BMP6: variants seen among roughly 807,000 people sequenced by gnomAD.
The protein encoded by BMP6 is bone morphogenetic protein 6.
A neutral mutation model predicts 54.1 loss-of-function variants in BMP6; 17 were observed. The ratio of observed to expected loss-of-function variants is 0.31; its 90% CI spans 0.22 to 0.47. BMP6 has a LOEUF of 0.47. BMP6 is among the 20% of genes least tolerant of loss of function. BMP6 has a pLI of 1.00. For synonymous variants in BMP6, 328 were observed against 291.2 expected, an observed-to-expected ratio of 1.13 and a Z score of -1.28; for missense variants, 720 against 690.4, an observed-to-expected ratio of 1.04 and a Z score of -0.48.
intron 4 of BMP6, among the ~76,000 whole-genome samples, chr6:7,866,129 A>C (rs975537054): frequency 6.6e-6 from 1 of 152,206 alleles, no homozygotes; most frequent in Non-Finnish European, 1.5e-5. Context: ...GATGGCTTTC[A>C]CTTGCCCTTG....
chr6:7,847,386 C>T (rs1759083472), intron 2 of BMP6, among the ~76,000 whole-genome samples: 2 of 152,168 alleles, frequency 1.3e-5, no homozygotes, highest in African/African-American at 4.8e-5. Flanking sequence ...GCCCAGGCCT[C>T]CTGCCGCCTC....
At chr6:7,861,972 C>T (rs562550282) in intron 3 of BMP6, among the ~76,000 whole-genome samples, 10 of 152,288 alleles carry the variant, frequency 6.6e-5, no homozygotes, top group Admixed American at 2.0e-4. Context: ...CCTGCAGCAT[C>T]AGAGCCAGCA....
intron 4 of BMP6, among the ~76,000 whole-genome samples, chr6:7,870,321 A>G (rs1759502168): frequency 6.6e-6 from 1 of 152,190 alleles, no homozygotes; most frequent in Non-Finnish European, 1.5e-5. Context: ...GCCATCGGGA[A>G]TGGATGGGAC....
chr6:7,839,461 A>G (rs1169502833), intron 1 of BMP6, among the ~76,000 whole-genome samples: 3 of 152,106 alleles, frequency 2.0e-5, no homozygotes, highest in African/African-American at 7.2e-5. Context: ...CTAAACCTGA[A>G]CTTCCCATTC....
At chr6:7,817,038 G>A (rs1201964606) in intron 1 of BMP6, among the ~76,000 whole-genome samples, 1 of 152,224 alleles carries the variant, frequency 6.6e-6, no homozygotes, top group Non-Finnish European at 1.5e-5. Context: ...AAAGATACAC[G>A]TCCTCACCTT....
rs1436374330 is a variant in BMP6, at chr6:7,727,101, G to C, written c.146G>C (p.Ser49Thr). Residue 49 changes from serine (S) to threonine (T), a missense_variant, in exon 1 of 7, where the codon AGC becomes ACC. By Grantham distance (58) the Ser-to-Thr change is moderately conservative (BLOSUM62 1). Coordinates refer to ENST00000283147, the MANE Select transcript of BMP6 (RefSeq NM_001718.6). ...AGGQLLGDGG[S>T]PGRTEQPPPS... ...GGGCAGCTGCTGGGGGACGGCGGGA[G>C]CCCCGGCCGCACGGAGCAGCCGCCG... The C allele has an allele frequency of 5.0e-6, 7 of 1,403,236 alleles. No individual in the cohort carries two copies. Among genetic ancestry groups the C allele is most frequent in the Admixed American group, 3.0e-5 (1 of 32,818 alleles). 86.9% of individuals were successfully genotyped at this position (1,403,236 alleles called of 1,614,324 possible). A position where few individuals can be genotyped will look rare whatever the true frequency, so the allele number is the denominator to read the frequency against.
At chr6:7,872,957 C>CACAAG (rs1759553252) in intron 4 of BMP6, among the ~76,000 whole-genome samples, 1 of 152,038 alleles carries the variant, frequency 6.6e-6, no homozygotes, top group African/African-American at 2.4e-5. Context: ...AGACCACAGG[C>CACAAG]ACACACCACT....
chr6:7,858,718 A>G (rs909284167), intron 2 of BMP6, among the ~76,000 whole-genome samples: 2 of 151,410 alleles, frequency 1.3e-5, no homozygotes, highest in African/African-American at 4.9e-5. Context: ...GACACAGTCA[A>G]TATTCGCTGT....
chr6:7,867,781 A>G (rs1270600173), intron 4 of BMP6, among the ~76,000 whole-genome samples: 1 of 152,216 alleles, frequency 6.6e-6, no homozygotes, highest in Non-Finnish European at 1.5e-5. Flanking sequence ...AAAAGTTAGA[A>G]TCACCAAAAA....
chr6:7,796,882 G>A (rs889967452), intron 1 of BMP6, among the ~76,000 whole-genome samples: 6 of 152,114 alleles, frequency 3.9e-5, no homozygotes, highest in Non-Finnish European at 7.3e-5. Flanking sequence ...CTTATTCAAA[G>A]CTATTCAAAT....
intron 1 of BMP6, among the ~76,000 whole-genome samples, chr6:7,757,224 G>C (rs1434526656): frequency 1.3e-5 from 2 of 152,156 alleles, no homozygotes; most frequent in African/African-American, 4.8e-5. Flanking sequence ...CGCCACAAGT[G>C]GATGACTTTA....
intron 1 of BMP6, among the ~76,000 whole-genome samples, chr6:7,834,083 C>T (rs770341448): frequency 9.9e-5 from 15 of 151,576 alleles, no homozygotes; most frequent in Non-Finnish European, 1.8e-4. Flanking sequence ...GGGTCTGGGA[C>T]AGGGTAGTGG....
chr6:7,747,171 C>T (rs990693610), intron 1 of BMP6, among the ~76,000 whole-genome samples: 4 of 152,338 alleles, frequency 2.6e-5, no homozygotes, highest in South Asian at 4.1e-4. Context: ...TTTAGATGTT[C>T]GATGTCAGTG....
chr6:7,796,720 T>C (rs1311277539), intron 1 of BMP6, among the ~76,000 whole-genome samples: 1 of 152,214 alleles, frequency 6.6e-6, no homozygotes, highest in African/African-American at 2.4e-5. Flanking sequence ...GTAGAACCAA[T>C]ACATAATGGA....
chr6:7,848,876 G>A (rs1759104742), intron 2 of BMP6, among the ~76,000 whole-genome samples: 1 of 152,148 alleles, frequency 6.6e-6, no homozygotes, highest in Admixed American at 6.5e-5. Context: ...AAAAAAAATT[G>A]CATTCATATA....
intron 1 of BMP6, among the ~76,000 whole-genome samples, chr6:7,797,232 G>A (rs1428347953): frequency 1.3e-5 from 2 of 152,184 alleles, no homozygotes; most frequent in African/African-American, 4.8e-5. Flanking sequence ...ATTTTTAAAT[G>A]TATGCTCTAT....
chr6:7,873,440 T>C (rs753906118), intron 4 of BMP6, among the ~76,000 whole-genome samples: 35 of 152,252 alleles, frequency 2.3e-4, no homozygotes, highest in Non-Finnish European at 4.7e-4. Context: ...CCCTTTTGGG[T>C]GCACCGTCCT....
chr6:7,777,270 C>G (rs573918773), intron 1 of BMP6, among the ~76,000 whole-genome samples: 2 of 152,334 alleles, frequency 1.3e-5, no homozygotes, highest in Admixed American at 1.3e-4. Flanking sequence ...AGGTGGCCTT[C>G]ATGTGTGTTT....
At chr6:7,860,719 A>T (rs1442582950) in intron 2 of BMP6, among the ~76,000 whole-genome samples, 2 of 152,212 alleles carry the variant, frequency 1.3e-5, no homozygotes, top group African/African-American at 2.4e-5. Context: ...ATGGGGAAGG[A>T]CTGGGTACTC....
Sources: allele counts gnomAD v4.1 joint callset (sites outside exome capture counted in the v4.1 genomes callset), GRCh38; gene constraint gnomAD v4.1.1; transcripts MANE v1.5; gene names NCBI Gene and HGNC (gene_info 2026-07-23, HGNC 2026-07-21).